TSNARE1: variants seen among roughly 807,000 people sequenced by gnomAD.
The protein encoded by TSNARE1 is t-SNARE domain containing 1.
A neutral mutation model predicts 62.0 loss-of-function variants in TSNARE1; 49 were observed. The ratio of observed to expected loss-of-function variants is 0.79; its 90% CI spans 0.63 to 1.00. TSNARE1 has a LOEUF of 1.00. TSNARE1 is among the 50% of genes least tolerant of loss of function. The pLI, the probability that TSNARE1 is intolerant of heterozygous loss-of-function variation, is 0.00. For missense variants in TSNARE1, 755 were observed against 700.1 expected (o/e 1.08, Z -0.88); for synonymous variants, 328 against 294.4 (o/e 1.11, Z -1.17).
intron 2 of TSNARE1, among the ~76,000 whole-genome samples, chr8:142,346,661 C>T (rs1037735939): frequency 2.0e-5 from 3 of 152,264 alleles, no homozygotes; most frequent in Non-Finnish European, 2.9e-5. Context: ...CTTCCCGGGA[C>T]GTGTCCTGGT....
chr8:142,376,268 C>G (rs771030452), intron 1 of TSNARE1, among the ~76,000 whole-genome samples: 10 of 152,186 alleles, frequency 6.6e-5, no homozygotes, highest in Admixed American at 1.3e-4. Flanking sequence ...CTGTTTTCCC[C>G]TGAGGGGAAC....
At chr8:142,330,114 G>A (rs752791190) in intron 6 of TSNARE1, among the ~76,000 whole-genome samples, 1 of 152,244 alleles carries the variant, frequency 6.6e-6, no homozygotes, top group Non-Finnish European at 1.5e-5. Context: ...GGCTGGCTGG[G>A]GTCCTTGGAG....
At chr8:142,345,677 C>T in intron 3 of TSNARE1, 66 bp downstream of exon 3, 1 of 1,473,564 alleles carries the variant, frequency 6.8e-7, no homozygotes, top group Non-Finnish European at 9.0e-7. Context: ...ACCCTGCCCT[C>T]CTCAGCACCT....
chr8:142,212,745 G>A (rs1007654425), intron 13 of TSNARE1, among the ~76,000 whole-genome samples: 8 of 151,118 alleles, frequency 5.3e-5, no homozygotes, highest in African/African-American at 1.2e-4. Context: ...CCAAGCCCAC[G>A]AGACGACCCT....
chr8:142,228,169 C>G (rs1816928020), intron 13 of TSNARE1, among the ~76,000 whole-genome samples: 1 of 152,202 alleles, frequency 6.6e-6, no homozygotes, highest in South Asian at 2.1e-4. Flanking sequence ...CACAAGAGAC[C>G]CAGAGCCAGA....
Position 142,222,146 on chromosome 8 carries a change from TC to T in TSNARE1, c.*11+7326del, listed in dbSNP as rs1222830350. Among the ~76,000 whole-genome samples the T allele has an allele frequency of 8.8e-5, 13 of 147,568 alleles. 1 individual carries two copies. The highest frequency in any genetic ancestry group is 1.8e-4 in the Non-Finnish European group (12 of 67,358). Reference sequence around the variant, plus strand: ...TTCACTCACTCATCCACTCATTCACTCACTCACTCATCCACTCATCCACTCA... The same window carrying T: ...TTCACTCACTCATCCACTCATTCACTACTCACTCATCCACTCATCCACTCA... On this transcript the variant is annotated intron_variant, in intron 13 of 13. Coordinates refer to ENST00000524325, the MANE Select transcript of TSNARE1 (RefSeq NM_145003.5).
chr8:142,397,703 T>G (rs1031075034), intron 1 of TSNARE1, among the ~76,000 whole-genome samples: 7 of 152,120 alleles, frequency 4.6e-5, no homozygotes, highest in African/African-American at 1.7e-4. Flanking sequence ...GCTTCCATGC[T>G]GGGGAGGGCT....
chr8:142,271,736 C>T, intron 12 of TSNARE1: 2 of 1,303,220 alleles, frequency 1.5e-6, no homozygotes, highest in South Asian at 2.0e-5. Context: ...CACCCAAAAC[C>T]CAGTGATCTG....
chr8:142,401,406 CTA>C (rs34699739), intron 1 of TSNARE1, among the ~76,000 whole-genome samples: 42,756 of 151,722 alleles, frequency 0.28, 8,006 homozygotes, highest in African/African-American at 0.53. Flanking sequence ...AAGCCACAGA[CTA>C]TGCAGGAAAA....
intron 11 of TSNARE1, 28 bp downstream of exon 11, chr8:142,284,385 G>A: frequency 1.3e-6 from 2 of 1,590,912 alleles, no homozygotes; most frequent in Admixed American, 1.7e-5. Flanking sequence ...GGGGCAGCAG[G>A]TGGCCCGAGG....
chr8:142,354,886 T>C (rs1586990199), intron 1 of TSNARE1, 123 bp from the exon 2 acceptor site: 1 of 585,046 alleles, frequency 1.7e-6, no homozygotes, highest in Non-Finnish European at 3.0e-6. Flanking sequence ...ATTGTACCCA[T>C]TCCCTAGGCT....
At chr8:142,305,522 G>A (rs538836938) in intron 9 of TSNARE1, among the ~76,000 whole-genome samples, 78 of 152,236 alleles carry the variant, frequency 5.1e-4, no homozygotes, top group Non-Finnish European at 9.0e-4. Flanking sequence ...GCAGGTGCTC[G>A]GTCTCCCTCA....
At chr8:142,271,631 G>A (rs1819563269) in intron 12 of TSNARE1, 2 of 1,427,602 alleles carry the variant, frequency 1.4e-6, no homozygotes, top group East Asian at 2.9e-5. Context: ...AGGCAGGCTG[G>A]GCCCTTCCAG....
intron 9 of TSNARE1, among the ~76,000 whole-genome samples, chr8:142,313,198 G>C (rs1827896311): frequency 6.6e-6 from 1 of 152,092 alleles, no homozygotes; most frequent in Non-Finnish European, 1.5e-5. Flanking sequence ...ACATGTCTGT[G>C]TTTATCTGCA....
In TSNARE1 at chr8:142,361,089, G is replaced by A. The variant is rs567077491; in HGVS notation, c.-39-6326C>T. On this transcript the variant is annotated intron_variant, in intron 1 of 13. Transcript: ENST00000524325. Reference sequence around the variant, plus strand: ...CGCCCACAGGGCCAGGCCCCACACAGGTCGCACCAGCTCTCCCGCCCCTGG... The same window carrying A: ...CGCCCACAGGGCCAGGCCCCACACAAGTCGCACCAGCTCTCCCGCCCCTGG... Among the ~76,000 whole-genome samples, 5 of 152,360 alleles carry A rather than the reference G, an allele frequency of 3.3e-5. No individual in the cohort carries two copies. The East Asian group carries it at 9.7e-4, about 29-fold the overall frequency.
intron 10 of TSNARE1, among the ~76,000 whole-genome samples, chr8:142,292,189 G>A (rs1823898896): frequency 6.6e-6 from 1 of 152,018 alleles, no homozygotes; most frequent in Non-Finnish European, 1.5e-5. Flanking sequence ...ACGAGACAGG[G>A]GCAGACAAGC....
rs952231172 is a variant in TSNARE1, at chr8:142,319,158, C to A, written c.894-524G>T. Among the ~76,000 whole-genome samples the A allele has an allele frequency of 2.6e-5, 4 of 152,066 alleles. No individual in the cohort carries two copies. The highest frequency in any genetic ancestry group is 2.6e-4 in the Admixed American group (4 of 15,272). On this transcript the variant is annotated intron_variant, in intron 6 of 13. Coordinates refer to ENST00000524325, the MANE Select transcript of TSNARE1 (RefSeq NM_145003.5). This position sits in a 1 kb window ranked among gnomAD's most constrained non-coding sequence, Gnocchi z 4.9. The stretch of plus-strand genomic sequence containing the variant: ...CCACTGCGAGGACCACCTTGCTCCG[C>A]CGCAACCACCCCCAAATACCCCACA...
At chr8:142,271,190 A>G in intron 12 of TSNARE1, 1 of 992,198 alleles carries the variant, frequency 1.0e-6, no homozygotes. Flanking sequence ...CCCCTGGGCC[A>G]CTCCACTGGC....
At chr8:142,357,867 G>A (rs922963349) in intron 1 of TSNARE1, among the ~76,000 whole-genome samples, 1 of 152,258 alleles carries the variant, frequency 6.6e-6, no homozygotes, top group African/African-American at 2.4e-5. Flanking sequence ...GGACGAGTCA[G>A]GGGGATGTTA....
Sources: gnomAD v4.1 joint callset for allele counts (sites outside exome capture counted in the v4.1 genomes callset) on GRCh38, gnomAD v4.1.1 for gene constraint, Gnocchi (gnomAD v3.1) non-coding constraint, MANE v1.5 for transcripts, NCBI Gene and HGNC (gene_info 2026-07-23, HGNC 2026-07-21) for gene names.